FAM168A: variants seen among roughly 807,000 people sequenced by gnomAD.
The protein encoded by FAM168A is family with sequence similarity 168 member A.
FAM168A carries 3 observed loss-of-function variants against 28.5 expected under a neutral mutation model. The observed-to-expected ratio is 0.11, with a 90% confidence interval of 0.05 to 0.27. The LOEUF (loss-of-function observed/expected upper bound fraction) is 0.27, where lower values mean the gene tolerates loss of function less well. Among genes scored for constraint, FAM168A ranks in the 10% least tolerant of loss-of-function variants. The pLI is 1.00. For missense variants in FAM168A, 222 were observed against 311.5 expected, an observed-to-expected ratio of 0.71 and a Z score of 2.16; for synonymous variants, 122 against 124.2, an observed-to-expected ratio of 0.98 and a Z score of 0.12.
Position 73,445,419 on chromosome 11 carries a change from C to CTCTCTCTCTTT in FAM168A, c.71-14650_71-14649insAAAGAGAGAGA, listed in dbSNP as rs776745757. 6.7e-4 allele frequency among the ~76,000 whole-genome samples: 34 copies of CTCTCTCTCTTT among 50,462 alleles called. 2 individuals are homozygous for CTCTCTCTCTTT. The highest frequency in any genetic ancestry group is 2.2e-3 in the African/African-American group (31 of 14,034). The allele number at this position is 50,462 out of a possible 152,430, so 33.1% of individuals were successfully genotyped here. On this transcript the variant is annotated intron_variant, in intron 2 of 7. Transcript: ENST00000356467. ...CCAGTAGATATATGTAAAAATGTCT[C>CTCTCTCTCTTT]TTTTTTTTTTTTTTTTTTTTTTTTT... is the stretch of plus-strand genomic sequence containing the variant.
intron 1 of FAM168A, among the ~76,000 whole-genome samples, chr11:73,547,275 A>G (rs149055965): frequency 6.6e-6 from 1 of 152,042 alleles, no homozygotes; most frequent in African/African-American, 2.4e-5. Flanking sequence ...CATTAGAGAA[A>G]TGCAATCCAA....
intron 1 of FAM168A, among the ~76,000 whole-genome samples, chr11:73,570,770 AT>A (rs1013236900): frequency 2.6e-5 from 4 of 151,992 alleles, no homozygotes; most frequent in Non-Finnish European, 4.4e-5. Flanking sequence ...AAGAAAAAAA[AT>A]ATTTAAGTAT....
At chr11:73,575,797 A>T (rs1182466872) in intron 1 of FAM168A, among the ~76,000 whole-genome samples, 1 of 152,082 alleles carries the variant, frequency 6.6e-6, no homozygotes, top group African/African-American at 2.4e-5. Flanking sequence ...TGAACCTGGG[A>T]GGTGGAGGTT....
intron 1 of FAM168A, among the ~76,000 whole-genome samples, chr11:73,547,188 A>T (rs1943769363): frequency 6.6e-6 from 1 of 151,514 alleles, no homozygotes; most frequent in African/African-American, 2.4e-5. Context: ...GAGGAGGAAG[A>T]AGAAAGAAGA....
intron 1 of FAM168A, among the ~76,000 whole-genome samples, chr11:73,585,355 T>C (rs1463115221): frequency 6.6e-6 from 1 of 152,210 alleles, no homozygotes; most frequent in Non-Finnish European, 1.5e-5. Context: ...TGTACTATTA[T>C]TACTACACTT....
chr11:73,447,582 A>AC (rs1867342821), intron 2 of FAM168A, among the ~76,000 whole-genome samples: 1 of 146,338 alleles, frequency 6.8e-6, no homozygotes, highest in Non-Finnish European at 1.5e-5. Flanking sequence ...AAAAAAATTC[A>AC]CCCCCCAATT....
chr11:73,579,824 A>G (rs139387107), intron 1 of FAM168A, among the ~76,000 whole-genome samples: 2 of 152,376 alleles, frequency 1.3e-5, no homozygotes, highest in East Asian at 1.9e-4. Flanking sequence ...GGATGCAAGC[A>G]TAAGTCTTCT....
chr11:73,410,515 G>A (rs187113360), intron 5 of FAM168A: 1 of 152,164 alleles, frequency 6.6e-6, no homozygotes, highest in African/African-American at 2.4e-5. Context: ...GAAGACAGTG[G>A]TCCAAGGTGA....
intron 1 of FAM168A, among the ~76,000 whole-genome samples, chr11:73,556,660 G>A (rs1016961741): frequency 3.3e-5 from 5 of 151,766 alleles, no homozygotes; most frequent in African/African-American, 7.3e-5. Flanking sequence ...TATTTAATAC[G>A]CTAAACTATA....
At chr11:73,514,611 C>T (rs1278800174) in intron 1 of FAM168A, among the ~76,000 whole-genome samples, 1 of 152,010 alleles carries the variant, frequency 6.6e-6, no homozygotes, top group Non-Finnish European at 1.5e-5. Context: ...GCAGGTGGAT[C>T]ACTTGAGTCC....
rs56294455 is a variant in FAM168A, at chr11:73,445,419, C to CTTTTT, written c.71-14654_71-14650dup. Among the ~76,000 whole-genome samples, 46 of 50,456 alleles carry CTTTTT rather than the reference C, an allele frequency of 9.1e-4. 2 individuals carry two copies. The highest frequency in any genetic ancestry group is 2.1e-3 in the South Asian group (2 of 948). 33.1% of individuals were successfully genotyped at this position (50,456 alleles called of 152,430 possible). ...CCAGTAGATATATGTAAAAATGTCTCTTTTTTTTTTTTTTTTTTTTTTTTT... is the reference window on the plus strand; with the variant it reads ...CCAGTAGATATATGTAAAAATGTCTCTTTTTTTTTTTTTTTTTTTTTTTTTTTTTT... On this transcript the variant is annotated intron_variant, in intron 2 of 7. Transcript: ENST00000356467.
chr11:73,490,609 C>T (rs1868114541), intron 1 of FAM168A, among the ~76,000 whole-genome samples: 1 of 152,190 alleles, frequency 6.6e-6, no homozygotes, highest in Non-Finnish European at 1.5e-5. Flanking sequence ...GGCCTCAGGG[C>T]TTTGGCATCT....
At chr11:73,437,366 G>C (rs1867107762) in intron 2 of FAM168A, among the ~76,000 whole-genome samples, 2 of 149,210 alleles carry the variant, frequency 1.3e-5, no homozygotes, top group Admixed American at 1.3e-4. Flanking sequence ...AAAGTGCTGG[G>C]ATTTACAGGT....
intron 1 of FAM168A, among the ~76,000 whole-genome samples, chr11:73,487,969 T>A (rs1170201461): frequency 1.3e-5 from 2 of 152,206 alleles, no homozygotes; most frequent in East Asian, 3.9e-4. Context: ...CTATCACTTG[T>A]ATTGACACTA....
chr11:73,545,001 TA>T (rs1405569042), intron 1 of FAM168A, among the ~76,000 whole-genome samples: 95 of 83,432 alleles, frequency 1.1e-3, no homozygotes, highest in Admixed American at 2.3e-3. Context: ...ATAGTATATA[TA>T]ATATACTATA....
chr11:73,532,226 T>C (rs898119317), intron 1 of FAM168A, among the ~76,000 whole-genome samples: 3 of 152,114 alleles, frequency 2.0e-5, no homozygotes, highest in Non-Finnish European at 4.4e-5. Context: ...TTATAACTTA[T>C]TATGCTGTAA....
At chr11:73,504,658 T>C (rs553960362) in intron 1 of FAM168A, among the ~76,000 whole-genome samples, 2 of 152,280 alleles carry the variant, frequency 1.3e-5, no homozygotes, top group Non-Finnish European at 2.9e-5. Flanking sequence ...ACTGGGTATA[T>C]ACCCAAAGGA....
intron 4 of FAM168A, among the ~76,000 whole-genome samples, chr11:73,413,553 C>T (rs886412158): frequency 5.3e-5 from 8 of 152,004 alleles, no homozygotes; most frequent in Non-Finnish European, 7.4e-5. Flanking sequence ...CTGATGTGTA[C>T]GGAGACACAA....
At position 73,598,079 on chromosome 11, in the gene FAM168A, T is replaced by A. The variant is rs1944458149; in HGVS notation, c.-175A>T. 2 of 151,656 alleles carry A rather than the reference T, an allele frequency of 1.3e-5. No homozygotes were observed. The highest frequency in any genetic ancestry group is 4.9e-5 in the African/African-American group (2 of 41,144). 9.4% of individuals were successfully genotyped at this position (151,656 alleles called of 1,614,324 possible). A position where few individuals can be genotyped will look rare whatever the true frequency, so the allele number is the denominator to read the frequency against. On this transcript the variant is annotated 5_prime_UTR_variant, in exon 1 of 8. Transcript: ENST00000356467. ...AGCCTCCTCCTCAGCGACTCGGCTCTGAATCCTCTGCAGTAGCCGCCGAGG... is the reference window on the plus strand; with the variant it reads ...AGCCTCCTCCTCAGCGACTCGGCTCAGAATCCTCTGCAGTAGCCGCCGAGG...
Sources: gnomAD v4.1 joint callset for allele counts (sites outside exome capture counted in the v4.1 genomes callset) on GRCh38, gnomAD v4.1.1 for gene constraint, MANE v1.5 for transcripts, NCBI Gene and HGNC (gene_info 2026-07-23, HGNC 2026-07-21) for gene names.